CNGA3: variants seen among roughly 807,000 people sequenced by gnomAD.
CNGA3 encodes the protein cyclic nucleotide gated channel subunit alpha 3, also known as cyclic nucleotide-gated channel alpha-3.
A neutral mutation model predicts 46.6 loss-of-function variants in CNGA3; 42 were observed. The observed-to-expected ratio is 0.90, with a 90% CI of 0.70 to 1.17. The LOEUF (loss-of-function observed/expected upper bound fraction) is 1.17, where lower values mean the gene tolerates loss of function less well. Ranked by LOEUF, CNGA3 falls within the 50% of genes most tolerant of loss-of-function variation. CNGA3 has a pLI of 0.00. For synonymous variants in CNGA3, 394 were observed against 369.4 expected (o/e 1.07, Z -0.76); for missense variants, 893 against 890.7 (o/e 1.00, Z -0.03).
intron 1 of CNGA3, among the ~76,000 whole-genome samples, chr2:98,365,132 G>A (rs965912976): frequency 2.6e-5 from 4 of 151,826 alleles, no homozygotes; most frequent in African/African-American, 7.3e-5. Context: ...CCGCCTCCCC[G>A]GTTCAAGCGA....
chr2:98,394,789 A>T (rs1371824031), intron 7 of CNGA3, among the ~76,000 whole-genome samples: 1 of 152,200 alleles, frequency 6.6e-6, no homozygotes, highest in Admixed American at 6.5e-5. Flanking sequence ...AGGCTTGGGA[A>T]CTGAGTCATG....
At chr2:98,395,801 G>T in intron 7 of CNGA3, 43 bp from the exon 8 acceptor site, 1 of 1,579,758 alleles carries the variant, frequency 6.3e-7, no homozygotes, top group Non-Finnish European at 8.7e-7. Flanking sequence ...GTCAAAAAAA[G>T]TCAGCCTCTG....
At position 98,396,674 on chromosome 2, in the gene CNGA3, G is replaced by A; in HGVS notation, c.1504G>A (p.Val502Met). The change falls in exon 8 of 8, where the codon GTG (valine) becomes ATG (methionine). Residue 502 changes from valine (V) to methionine (M), a missense_variant. Around this residue, in one of 3 missense-constraint regions of CNGA3, gnomAD observed 548 missense variants for 570.8 expected, o/e 0.96. Coordinates refer to ENST00000272602, the MANE Select transcript of CNGA3 (RefSeq NM_001298.3). The stretch of plus-strand genomic sequence containing the variant: ...GCTGGTGCTGAAGCTGCGACCCACT[G>A]TGTTCAGCCCTGGGGATTATATCTG... ...VELVLKLRPTVFSPGDYICKK... is the reference protein window; with the variant it reads ...VELVLKLRPTMFSPGDYICKK... The A allele has an allele frequency of 2.5e-6, 4 of 1,614,154 alleles. No homozygotes were observed. The highest frequency in any genetic ancestry group is 3.4e-6 in the Non-Finnish European group (4 of 1,180,036).
Position 98,396,937 on chromosome 2 carries a change from C to G in CNGA3, c.1767C>G (p.Thr589=). The G allele has an allele frequency of 6.2e-7, 1 of 1,614,084 alleles. No individual in the cohort carries two copies. Among genetic ancestry groups the G allele is most frequent in the Non-Finnish European group, 8.5e-7 (1 of 1,180,028 alleles). The change falls in exon 8 of 8, where the codon ACC becomes ACG. Residue 589 remains threonine (T), a synonymous_variant. Coordinates refer to ENST00000272602, the MANE Select transcript of CNGA3 (RefSeq NM_001298.3). ...AGGACGATCTCATGGAGGCCCTCAC[C>G]GAGTACCCCGAAGCCAAGAAGGCCC... ...LSKDDLMEAL[T]EYPEAKKALE...
At chr2:98,370,102 C>T (rs758232366) in intron 2 of CNGA3, 26 bp downstream of exon 2, 1 of 1,539,580 alleles carries the variant, frequency 6.5e-7, no homozygotes. Context: ...ATGGGCTTTT[C>T]ATTTTATGCC....
At chr2:98,387,663 C>T (rs1692683602) in intron 5 of CNGA3, among the ~76,000 whole-genome samples, 1 of 152,192 alleles carries the variant, frequency 6.6e-6, no homozygotes. Flanking sequence ...CAGCAAAGTC[C>T]GAAGGCGTGT....
chr2:98,397,358 C>A lies in CNGA3; in HGVS notation c.*103C>A. 8.5e-7 allele frequency: 1 copy of A among 1,175,142 alleles called. No individual in the cohort carries two copies. Among genetic ancestry groups the A allele is most frequent in the Non-Finnish European group, 1.2e-6 (1 of 803,642 alleles). 72.8% of individuals were successfully genotyped at this position (1,175,142 alleles called of 1,614,324 possible). ...ACTTGGTCAGGGTTGAATTCCAGCT[C>A]TACTCACCCTTTGAAAGCTGTGTGA... On this transcript the variant is annotated 3_prime_UTR_variant, in exon 8 of 8. Coordinates refer to ENST00000272602, the MANE Select transcript of CNGA3 (RefSeq NM_001298.3).
At chr2:98,381,890 A>T (rs1692547137) in intron 4 of CNGA3, among the ~76,000 whole-genome samples, 1 of 152,122 alleles carries the variant, frequency 6.6e-6, no homozygotes, top group Non-Finnish European at 1.5e-5. Flanking sequence ...GGGAAAGAGG[A>T]AGAGGGAGGG....
rs374306710 is a variant in CNGA3, at chr2:98,389,781, G to A, written c.566+7G>A. 193 of 1,608,044 alleles carry A rather than the reference G, an allele frequency of 1.2e-4. No individual in the cohort carries two copies. Among genetic ancestry groups the A allele is most frequent in the African/African-American group, 5.1e-4 (38 of 74,896 alleles). The stretch of plus-strand genomic sequence containing the variant: ...GGTATCTGCTTATTTGCAGGTAAGC[G>A]ACAGGGGTGGAAGGTGCAGCGGAAA... On this transcript the variant is annotated splice_region_variant and intron_variant, in intron 6 of 7. Coordinates refer to ENST00000272602, the MANE Select transcript of CNGA3 (RefSeq NM_001298.3).
intron 7 of CNGA3, among the ~76,000 whole-genome samples, chr2:98,392,720 C>T (rs1200617642): frequency 1.3e-5 from 2 of 152,154 alleles, no homozygotes; most frequent in Non-Finnish European, 2.9e-5. Flanking sequence ...TCTTCTTGGA[C>T]AGTCAGCAGA....
rs104893617 is a variant in CNGA3 at position 98,396,811 on chromosome 2, C to T, written c.1641C>T (p.Phe547=). Residue 547 remains phenylalanine (F), a synonymous_variant, in exon 8 of 8, where the codon TTC becomes TTT. Transcript: ENST00000272602. ...TGGTCCTCAGCGATGGCAGCTACTT[C>T]GGGGAGATCAGCATTCTGAACATCA... ...QFVVLSDGSY[F]GEISILNIKG... The T allele has an allele frequency of 2.4e-5, 38 of 1,614,144 alleles. No individual in the cohort carries two copies. The African/African-American group carries it at 4.3e-4, about 18-fold the overall frequency.
At chr2:98,388,589 T>C (rs1470741958) in intron 5 of CNGA3, among the ~76,000 whole-genome samples, 1 of 152,162 alleles carries the variant, frequency 6.6e-6, no homozygotes, top group Admixed American at 6.5e-5. Flanking sequence ...CAAGGGGGGC[T>C]TATAAGTAAA....
chr2:98,397,036 C>T lies in CNGA3; in HGVS notation c.1866C>T (p.Asp622=), dbSNP rs886056490. ...AGGAGCTGGCCAGGGCGGGCGCGGA[C>T]CCCAAGGACCTTGAGGAGAAAGTGG... ...IDEELARAGA[D]PKDLEEKVEQ... Residue 622 remains aspartate (D), a synonymous_variant, in exon 8 of 8, where the codon GAC becomes GAT. Transcript: ENST00000272602. The T allele has an allele frequency of 1.3e-5, 21 of 1,613,922 alleles. No homozygotes were observed. The highest frequency in any genetic ancestry group is 1.7e-5 in the Non-Finnish European group (20 of 1,179,976).
chr2:98,389,389 G>A (rs1160887466), intron 5 of CNGA3, among the ~76,000 whole-genome samples: 1 of 152,196 alleles, frequency 6.6e-6, no homozygotes, highest in Non-Finnish European at 1.5e-5. Context: ...GTTGTCGTGG[G>A]CACATGGGAA....
Position 98,389,783 on chromosome 2 carries a change from CA to C in CNGA3, c.566+10del, listed in dbSNP as rs2104230065. 2 of 1,607,802 alleles carry C rather than the reference CA, an allele frequency of 1.2e-6. No individual in the cohort carries two copies. The highest frequency in any genetic ancestry group is 2.2e-5 in the East Asian group (1 of 44,856). The stretch of plus-strand genomic sequence containing the variant: ...TATCTGCTTATTTGCAGGTAAGCGA[CA>C]GGGGTGGAAGGTGCAGCGGAAAGGG... On this transcript the variant is annotated intron_variant, in intron 6 of 7. Coordinates refer to ENST00000272602, the MANE Select transcript of CNGA3 (RefSeq NM_001298.3).
intron 1 of CNGA3, among the ~76,000 whole-genome samples, chr2:98,363,576 C>T (rs2104155229): frequency 1.3e-5 from 2 of 152,226 alleles, no homozygotes; most frequent in East Asian, 1.9e-4. Context: ...TAGAAGACAT[C>T]CTTATCTTGT....
At chr2:98,347,841 G>A (rs907454599) in intron 1 of CNGA3, among the ~76,000 whole-genome samples, 14 of 152,132 alleles carry the variant, frequency 9.2e-5, no homozygotes, top group African/African-American at 2.7e-4. Flanking sequence ...TGCACTGTCC[G>A]CCACCCCCTC....
chr2:98,389,631 G>A (rs762295961), intron 5 of CNGA3, 27 bp from the exon 6 acceptor site: 27 of 1,587,904 alleles, frequency 1.7e-5, no homozygotes, highest in South Asian at 8.8e-5. Context: ...AGCACAGTGC[G>A]CTGTTTGTGT....
chr2:98,381,312 C>T lies in CNGA3; in HGVS notation c.395+958C>T, dbSNP rs1692532840. On this transcript the variant is annotated intron_variant, in intron 4 of 7. Transcript: ENST00000272602. ...TTTCTGGGGGGTGGGAAAAGGGGAT[C>T]AAATAAGCATGATGGCTGCAGAACA... Among the ~76,000 whole-genome samples the T allele has an allele frequency of 2.0e-5, 3 of 152,064 alleles. No homozygotes were observed. The East Asian group carries it at 5.8e-4, about 29-fold the overall frequency.
Sources: gnomAD v4.1 joint callset for allele counts (sites outside exome capture counted in the v4.1 genomes callset) on GRCh38, gnomAD v4.1.1 for gene constraint, gnomAD v4.1.1 regional missense constraint, MANE v1.5 for transcripts, NCBI Gene and HGNC (gene_info 2026-07-23, HGNC 2026-07-21) for gene names.